The following ANKK1 variants were observed in gnomAD, a reference collection of about 807,000 sequenced individuals.
ANKK1 encodes ankyrin repeat and protein kinase domain-containing protein 1.
Under a neutral mutation model 37.6 loss-of-function variants are expected in ANKK1, and 37 were observed. The observed-to-expected ratio is 0.98, with a 90% confidence interval of 0.76 to 1.29. ANKK1 has a LOEUF of 1.29. ANKK1 is among the 50% of genes most tolerant of loss of function. ANKK1 has a pLI of 0.00. For synonymous variants in ANKK1, 415 were observed against 418.7 expected (o/e 0.99, Z 0.11); for missense variants, 1,019 against 990.6 (o/e 1.03, Z -0.39).
chr11:113,394,478 A>G (rs1343433780), intron 2 of ANKK1, among the ~76,000 whole-genome samples: 1 of 152,202 alleles, frequency 6.6e-6, no homozygotes, highest in Non-Finnish European at 1.5e-5. Flanking sequence ...TGCATGGCCA[A>G]CTTGACAAGT....
chr11:113,397,641 C>T lies in ANKK1; in HGVS notation c.957+299C>T, dbSNP rs183544007. Reference sequence around the variant, plus strand: ...GCTTTCATGCTGTGGGTGTCAACATCATCCCCCTGCTCTTCTGTCCCTATT... The same window carrying T: ...GCTTTCATGCTGTGGGTGTCAACATTATCCCCCTGCTCTTCTGTCCCTATT... On this transcript the variant is annotated intron_variant, in intron 6 of 7. Transcript: ENST00000303941. Among the ~76,000 whole-genome samples the T allele has an allele frequency of 1.4e-4, 22 of 152,322 alleles. No homozygotes were observed. The East Asian group carries it at 3.9e-3, about 27-fold the overall frequency.
In ANKK1 at chr11:113,399,253, C is replaced by T. The variant is rs747682799; in HGVS notation, c.1284C>T (p.Gly428=). ...GADANRVDED[G]WAPLHFAAQN... ...ATGCCAACCGAGTGGATGAGGATGG[C>T]TGGGCCCCACTGCACTTTGCAGCCC... Residue 428 remains glycine, a synonymous_variant, in exon 8 of 8, where the codon GGC becomes GGT. Coordinates refer to ENST00000303941, the MANE Select transcript of ANKK1 (RefSeq NM_178510.2). The T allele has an allele frequency of 1.7e-5, 27 of 1,606,990 alleles. No individual in the cohort carries two copies. Among genetic ancestry groups the T allele is most frequent in the Admixed American group, 8.4e-5 (5 of 59,220 alleles).
chr11:113,396,203 GA>G lies in ANKK1; in HGVS notation c.821del (p.Lys274ArgfsTer6). On this transcript the variant is annotated frameshift_variant, in exon 5 of 8. Transcript: ENST00000303941. LOFTEE classifies it high-confidence loss of function. Reference sequence around the variant, plus strand: ...AACGCTGCTGGGACCAGGACCCCAAGAAGAGGCCATGCTTTCTAGGTGCTTA... The same window carrying G: ...AACGCTGCTGGGACCAGGACCCCAAGAGAGGCCATGCTTTCTAGGTGCTTA... Reference protein sequence around the residue: ...MKRCWDQDPKKRPCFLDITIE... With the variant: ...MKRCWDQDPKXRPCFLDITIE... The G allele has an allele frequency of 6.2e-7, 1 of 1,614,004 alleles. No individual in the cohort carries two copies. Among genetic ancestry groups the G allele is most frequent in the Non-Finnish European group, 8.5e-7 (1 of 1,179,886 alleles).
At chr11:113,397,416 G>A (rs1565652238) in intron 6 of ANKK1, 74 bp downstream of exon 6, 2 of 1,292,640 alleles carry the variant, frequency 1.5e-6, no homozygotes, top group East Asian at 2.4e-5. Flanking sequence ...TGTGATCTCT[G>A]GCCAGACACT....
At position 113,395,280 on chromosome 11, in the gene ANKK1, C is replaced by T. The variant is rs1950628377; in HGVS notation, c.633-79C>T. 4.4e-6 allele frequency: 7 copies of T among 1,578,174 alleles called. No individual in the cohort carries two copies. The East Asian group carries it at 1.6e-4, about 36-fold the overall frequency. On this transcript the variant is annotated intron_variant, in intron 3 of 7. Transcript: ENST00000303941. Reference sequence around the variant, plus strand: ...GCCTGGGACTGTGTGAACTGTAGCCCCCCGACCCTGCCACCCCGGGCTGGG... The same window carrying T: ...GCCTGGGACTGTGTGAACTGTAGCCTCCCGACCCTGCCACCCCGGGCTGGG...
In ANKK1 at chr11:113,399,178, C is replaced by T. The variant is rs1038821661; in HGVS notation, c.1209C>T (p.Ala403=). 1 of 1,600,244 alleles carries T rather than the reference C, an allele frequency of 6.2e-7. No homozygotes were observed. The highest frequency in any genetic ancestry group is 8.5e-7 in the Non-Finnish European group (1 of 1,173,704). Residue 403 remains alanine (A), a synonymous_variant, in exon 8 of 8, where the codon GCC becomes GCT. Transcript: ENST00000303941. ...ASGYTPLLIA[A]QDQQPDLCAL... ...GATACACGCCCCTCCTGATCGCCGC[C>T]CAGGACCAGCAACCCGACCTCTGTG...
chr11:113,396,289 G>T (rs1471827223), intron 5 of ANKK1, 67 bp downstream of exon 5: 5 of 1,585,346 alleles, frequency 3.2e-6, no homozygotes, highest in Non-Finnish European at 4.3e-6. Context: ...AGATGACTGG[G>T]CACTCCTGGG....
chr11:113,392,225 A>C (rs1950592714), intron 1 of ANKK1, among the ~76,000 whole-genome samples: 1 of 152,224 alleles, frequency 6.6e-6, no homozygotes, highest in Non-Finnish European at 1.5e-5. Flanking sequence ...ACAGATAATA[A>C]CGGGTGAAAC....
Position 113,394,945 on chromosome 11 carries a change from TG to T in ANKK1, c.498del (p.Ser167ProfsTer65), listed in dbSNP as rs1565650791. 6.2e-7 allele frequency: 1 copy of T among 1,609,806 alleles called. No individual in the cohort carries two copies. Among genetic ancestry groups the T allele is most frequent in the Admixed American group, 1.7e-5 (1 of 59,828 alleles). Reference sequence around the variant, plus strand: ...TTCTCCCAGATTTCAGACTTCGGCCTGTCCAAGTGGATGGAACAGTCCACCC... The same window carrying T: ...TTCTCCCAGATTTCAGACTTCGGCCTTCCAAGTGGATGGAACAGTCCACCC... ...NMHVKISDFG[L>X]SKWMEQSTRM... On this transcript the variant is annotated frameshift_variant, in exon 3 of 8. Transcript: ENST00000303941. LOFTEE classifies it high-confidence loss of function.
At position 113,388,058 on chromosome 11, in the gene ANKK1, C is replaced by G. The variant is rs1312238132; in HGVS notation, c.174C>G (p.Pro58=). ...TCAAGTGCGCCCCCTGCCTTCCACC[C>G]GACGCCGCCAGGTACTGCCAGCCTC... The part of the protein sequence containing the change: ...YAIKCAPCLP[P]DAASSDVNYL... The change falls in exon 1 of 8, where the codon CCC becomes CCG. Residue 58 remains proline, a synonymous_variant. Coordinates refer to ENST00000303941, the MANE Select transcript of ANKK1 (RefSeq NM_178510.2). 3 of 1,508,562 alleles carry G rather than the reference C, an allele frequency of 2.0e-6. No homozygotes were observed. Among genetic ancestry groups the G allele is most frequent in the Non-Finnish European group, 2.7e-6 (3 of 1,125,366 alleles). 93.4% of individuals were successfully genotyped at this position (1,508,562 alleles called of 1,614,324 possible).
chr11:113,398,605 G>T (rs1189613492), intron 7 of ANKK1, among the ~76,000 whole-genome samples: 1 of 152,030 alleles, frequency 6.6e-6, no homozygotes, highest in Non-Finnish European at 1.5e-5. Context: ...ACTGATCATT[G>T]TTTGTCCCCT....
At chr11:113,393,879 T>C in intron 2 of ANKK1, 104 bp downstream of exon 2, 3 of 1,319,834 alleles carry the variant, frequency 2.3e-6, no homozygotes, top group Non-Finnish European at 3.0e-6. Flanking sequence ...TTTTAAGCAG[T>C]TCCCTTCATG....
Position 113,400,222 on chromosome 11 carries a change from G to A in ANKK1, c.2253G>A (p.Val751=), listed in dbSNP as rs1250339351. Residue 751 remains valine (V), a synonymous_variant, in exon 8 of 8, where the codon GTG becomes GTA. Coordinates refer to ENST00000303941, the MANE Select transcript of ANKK1 (RefSeq NM_178510.2). The part of the protein sequence containing the change: ...MSFLEGKEPS[V]ATLGGSKPGA... Reference sequence around the variant, plus strand: ...TCCTAGAGGGCAAGGAGCCGTCAGTGGCCACTCTGGGTGGTTCTAAGCCAG... The same window carrying A: ...TCCTAGAGGGCAAGGAGCCGTCAGTAGCCACTCTGGGTGGTTCTAAGCCAG... The A allele has an allele frequency of 6.4e-7, 1 of 1,551,612 alleles. No individual in the cohort carries two copies. The highest frequency in any genetic ancestry group is 1.2e-5 in the South Asian group (1 of 84,196).
At position 113,399,727 on chromosome 11, in the gene ANKK1, T is replaced by C; in HGVS notation, c.1758T>C (p.Leu586=). Reference sequence around the variant, plus strand: ...TGCTGCTCAGGTACGGAGCCAGCCTTGAGCTGCCCACCCACCAGGGCTGGA... The same window carrying C: ...TGCTGCTCAGGTACGGAGCCAGCCTCGAGCTGCCCACCCACCAGGGCTGGA... ...CKMLLRYGAS[L]ELPTHQGWTP... Residue 586 remains leucine (L), a synonymous_variant, in exon 8 of 8, where the codon CTT becomes CTC. Transcript: ENST00000303941. 1 of 1,600,714 alleles carries C rather than the reference T, an allele frequency of 6.2e-7. No individual in the cohort carries two copies. The highest frequency in any genetic ancestry group is 8.5e-7 in the Non-Finnish European group (1 of 1,173,800).
rs749107081 is a variant in ANKK1, at chr11:113,400,170, G to A, written c.2201G>A (p.Arg734His). ...TGCACACCCCTGCAACTGGCCCTCC[G>A]CAGCCGAAAGCAGGGCATCATGTCC... Reference protein sequence around the residue: ...VSCTPLQLALRSRKQGIMSFL... With the variant: ...VSCTPLQLALHSRKQGIMSFL... The change falls in exon 8 of 8, where the codon CGC (arginine) becomes CAC (histidine). Residue 734 changes from arginine to histidine, a missense_variant. Coordinates refer to ENST00000303941, the MANE Select transcript of ANKK1 (RefSeq NM_178510.2). 4.4e-5 allele frequency: 70 copies of A among 1,578,540 alleles called. No individual in the cohort carries two copies. The highest frequency in any genetic ancestry group is 1.9e-4 in the East Asian group (8 of 42,594).
rs1591255759 is a variant in ANKK1 at position 113,387,786 on chromosome 11, T to A, written c.-99T>A. ...GGGCCGGCTCGTCTCCCCATTCCCC[T>A]CTCCCGGACCCGAGGAGCAGGAAGC... On this transcript the variant is annotated 5_prime_UTR_variant, in exon 1 of 8. Coordinates refer to ENST00000303941, the MANE Select transcript of ANKK1 (RefSeq NM_178510.2). The A allele has an allele frequency of 7.4e-7, 1 of 1,354,738 alleles. No individual in the cohort carries two copies. Among genetic ancestry groups the A allele is most frequent in the Admixed American group, 2.7e-5 (1 of 36,696 alleles). 83.9% of individuals were successfully genotyped at this position (1,354,738 alleles called of 1,614,324 possible).
intron 1 of ANKK1, among the ~76,000 whole-genome samples, chr11:113,392,692 T>C (rs1950597414): frequency 1.3e-5 from 2 of 152,246 alleles, no homozygotes; most frequent in Admixed American, 1.3e-4. Flanking sequence ...TGTAAGGCCT[T>C]CCCTTAAGTT....
Position 113,387,852 on chromosome 11 carries a change from A to T in ANKK1, c.-33A>T, listed in dbSNP as rs773464053. ...CACCCAGGCAGCAGCCACAGCGGGG[A>T]GTGCGCGGCGCGGGGACAGGAAGAG... On this transcript the variant is annotated 5_prime_UTR_variant, in exon 1 of 8. Transcript: ENST00000303941. 5 of 1,462,374 alleles carry T rather than the reference A, an allele frequency of 3.4e-6. No homozygotes were observed. The South Asian group carries it at 6.7e-5, about 20-fold the overall frequency. The allele number at this position is 1,462,374 out of a possible 1,614,324, so 90.6% of individuals were successfully genotyped here. A position where few individuals can be genotyped will look rare whatever the true frequency, so the allele number is the denominator to read the frequency against.
chr11:113,390,057 C>T (rs950164596), intron 1 of ANKK1, among the ~76,000 whole-genome samples: 6 of 152,080 alleles, frequency 3.9e-5, no homozygotes, highest in Non-Finnish European at 7.4e-5. Context: ...AAAATCCACC[C>T]GACTTGGTGC....
Sources: gnomAD v4.1 joint callset for allele counts (sites outside exome capture counted in the v4.1 genomes callset) on GRCh38, gnomAD v4.1.1 for gene constraint, MANE v1.5 for transcripts, NCBI Gene and HGNC (gene_info 2026-07-23, HGNC 2026-07-21) for gene names.